ACSL3: variants seen among roughly 807,000 people sequenced by gnomAD.
The protein encoded by ACSL3 is acyl-CoA synthetase long chain family member 3.
Under a neutral mutation model 84.7 loss-of-function variants are expected in ACSL3, and 34 were observed. The observed-to-expected ratio is 0.40, with a 90% CI of 0.31 to 0.53. ACSL3 has a LOEUF of 0.53. ACSL3 is among the 20% of genes least tolerant of loss of function. The pLI is 0.48. For synonymous variants in ACSL3, 315 were observed against 299.4 expected, an observed-to-expected ratio of 1.05 and a Z score of -0.54; for missense variants, 680 against 873.1, an observed-to-expected ratio of 0.78 and a Z score of 2.79.
chr2:222,898,688 G>A (rs1019030536), intron 2 of ACSL3, among the ~76,000 whole-genome samples: 17 of 152,206 alleles, frequency 1.1e-4, no homozygotes, highest in African/African-American at 3.6e-4. Flanking sequence ...TTAGCCGGGC[G>A]CAGTGGCGGG....
intron 6 of ACSL3, 142 bp from the exon 7 acceptor site, chr2:222,918,922 A>T (rs971553696): frequency 2.3e-6 from 2 of 885,790 alleles, no homozygotes; most frequent in Non-Finnish European, 3.4e-6. Flanking sequence ...GTAAAAAGTG[A>T]TATTATGCCA....
chr2:222,900,282 C>T (rs1165711214), intron 2 of ACSL3, among the ~76,000 whole-genome samples: 1 of 152,212 alleles, frequency 6.6e-6, no homozygotes, highest in Non-Finnish European at 1.5e-5. Flanking sequence ...ACACTGTCCT[C>T]TCCATTTTCT....
chr2:222,932,618 T>C (rs1469132529), intron 14 of ACSL3, among the ~76,000 whole-genome samples: 1 of 151,870 alleles, frequency 6.6e-6, no homozygotes, highest in East Asian at 1.9e-4. Context: ...CATGAGCCAC[T>C]GGACCTGGCC....
chr2:222,865,666 T>G (rs1304682225), intron 1 of ACSL3, among the ~76,000 whole-genome samples: 2 of 151,734 alleles, frequency 1.3e-5, no homozygotes, highest in Admixed American at 1.3e-4. Flanking sequence ...AGGCACAGAG[T>G]AGGGAAGGAA....
At chr2:222,879,304 C>G (rs183827099) in intron 1 of ACSL3, among the ~76,000 whole-genome samples, 5 of 151,938 alleles carry the variant, frequency 3.3e-5, no homozygotes, top group African/African-American at 9.7e-5. Context: ...GGGGACAGAG[C>G]GAGACTGTCT....
chr2:222,876,132 G>A (rs916801087), intron 1 of ACSL3, among the ~76,000 whole-genome samples: 1 of 152,122 alleles, frequency 6.6e-6, no homozygotes, highest in Non-Finnish European at 1.5e-5. Flanking sequence ...GCTAGAGTTT[G>A]GACTGTTTCA....
intron 16 of ACSL3, among the ~76,000 whole-genome samples, chr2:222,938,546 GTCATTTTTC>G (rs1276718389): frequency 6.6e-6 from 1 of 152,126 alleles, no homozygotes; most frequent in African/African-American, 2.4e-5. Flanking sequence ...TATGTGATGA[GTCATTTTTC>G]TCTTGCTGCT....
At chr2:222,922,001 G>A (rs1049023328) in intron 8 of ACSL3, among the ~76,000 whole-genome samples, 10 of 152,084 alleles carry the variant, frequency 6.6e-5, no homozygotes, top group Non-Finnish European at 8.8e-5. Flanking sequence ...AAACATACAC[G>A]CACACACACA....
intron 2 of ACSL3, among the ~76,000 whole-genome samples, chr2:222,898,631 G>A (rs552667165): frequency 1.3e-5 from 2 of 152,122 alleles, no homozygotes; most frequent in African/African-American, 4.8e-5. Context: ...AGACCATCCC[G>A]GCTAACACAG....
rs138171886 is a variant in ACSL3, at chr2:222,893,084, G to A, written c.-148+5196G>A. Among the ~76,000 whole-genome samples the A allele has an allele frequency of 5.2e-3, 796 of 152,240 alleles. 10 individuals are homozygous for A. The highest frequency in any genetic ancestry group is 0.018 in the African/African-American group (758 of 41,544). On this transcript the variant is annotated intron_variant, in intron 2 of 16. Transcript: ENST00000357430. The stretch of plus-strand genomic sequence containing the variant: ...TAGTATTGGTGCCTGAGTGTGGTAG[G>A]CTGAAAGAAAAATACAGAGGAGGAA...
intron 1 of ACSL3, among the ~76,000 whole-genome samples, chr2:222,874,940 C>T (rs1695407304): frequency 1.3e-5 from 2 of 150,430 alleles, no homozygotes; most frequent in Non-Finnish European, 3.0e-5. Context: ...TAACCCGTCT[C>T]TACCAACAAA....
At chr2:222,872,313 A>T (rs1243641334) in intron 1 of ACSL3, among the ~76,000 whole-genome samples, 2 of 152,060 alleles carry the variant, frequency 1.3e-5, no homozygotes, top group Non-Finnish European at 2.9e-5. Flanking sequence ...TTTAGTAGAG[A>T]CAGGGTTTTA....
chr2:222,902,969 C>G (rs527684630), intron 3 of ACSL3, among the ~76,000 whole-genome samples: 1 of 152,188 alleles, frequency 6.6e-6, no homozygotes, highest in South Asian at 2.1e-4. Context: ...ACCGGGGACT[C>G]TACCCTATCT....
intron 2 of ACSL3, among the ~76,000 whole-genome samples, chr2:222,890,115 AATTG>A (rs1695809912): frequency 6.6e-6 from 1 of 152,220 alleles, no homozygotes; most frequent in South Asian, 2.1e-4. Context: ...ACAATATGTT[AATTG>A]TGATGCAGGT....
At chr2:222,934,418 C>T in intron 15 of ACSL3, 112 bp from the exon 16 acceptor site, 2 of 826,232 alleles carry the variant, frequency 2.4e-6, no homozygotes. Context: ...AAGTATGGCA[C>T]ATGCATTTTA....
chr2:222,891,393 CAGTCT>C (rs1313073530), intron 2 of ACSL3, among the ~76,000 whole-genome samples: 3 of 152,150 alleles, frequency 2.0e-5, no homozygotes, highest in African/African-American at 7.2e-5. Context: ...CAGCAGAGCT[CAGTCT>C]AGTCTAGTGT....
chr2:222,884,537 C>A (rs1305130663), intron 1 of ACSL3, among the ~76,000 whole-genome samples: 2 of 152,202 alleles, frequency 1.3e-5, no homozygotes, highest in Non-Finnish European at 2.9e-5. Flanking sequence ...GCTGGCATTC[C>A]CTATTATCAG....
rs57546680 is a variant in ACSL3 at position 222,914,234 on chromosome 2, CGTGTGTGTGTGTGTGTGTGTGTGTGT to C, written c.379-2066_379-2041del. On this transcript the variant is annotated intron_variant, in intron 4 of 16. Transcript: ENST00000357430. ...AGGAAGGGTGGAAGGTGTGTGTGTA[CGTGTGTGTGTGTGTGTGTGTGTGTGT>C]GTGTGTGTGTGTGTGTGTATTTTGA... Among the ~76,000 whole-genome samples, 21 of 140,270 alleles carry C rather than the reference CGTGTGTGTGTGTGTGTGTGTGTGTGT, an allele frequency of 1.5e-4. No homozygotes were observed. The South Asian group carries it at 4.3e-3, about 29-fold the overall frequency. The allele number at this position is 140,270 out of a possible 152,430, so 92.0% of individuals were successfully genotyped here. A position where few individuals can be genotyped will look rare whatever the true frequency, so the allele number is the denominator to read the frequency against.
chr2:222,871,906 T>C (rs905122149), intron 1 of ACSL3, among the ~76,000 whole-genome samples: 12 of 152,170 alleles, frequency 7.9e-5, no homozygotes, highest in African/African-American at 2.7e-4. Context: ...ATTATTATTA[T>C]TTTTGCTTCT....
Sources: allele counts gnomAD v4.1 joint callset (sites outside exome capture counted in the v4.1 genomes callset), GRCh38; gene constraint gnomAD v4.1.1; transcripts MANE v1.5; gene names NCBI Gene and HGNC (gene_info 2026-07-23, HGNC 2026-07-21).